The following SLC38A4 variants were observed in gnomAD, a reference collection of about 807,000 sequenced individuals.
The protein encoded by SLC38A4 is sodium-coupled neutral amino acid transporter 4.
In SLC38A4, 20 loss-of-function variants were observed where a neutral mutation model predicts 63.1. That is an observed-to-expected ratio of 0.32 (90% CI 0.22 to 0.46). The LOEUF (loss-of-function observed/expected upper bound fraction) is 0.46, where lower values mean the gene tolerates loss of function less well. Among genes scored for constraint, SLC38A4 ranks in the 20% least tolerant of loss-of-function variants. The pLI, the probability that SLC38A4 is intolerant of heterozygous loss-of-function variation, is 1.00. For missense variants in SLC38A4, 526 were observed against 663.6 expected, an observed-to-expected ratio of 0.79 and a Z score of 2.28; for synonymous variants, 230 against 225.5, an observed-to-expected ratio of 1.02 and a Z score of -0.18.
chr12:46,816,552 AT>A (rs1939445523), intron 1 of SLC38A4, among the ~76,000 whole-genome samples: 1 of 151,928 alleles, frequency 6.6e-6, no homozygotes, highest in Non-Finnish European at 1.5e-5. Flanking sequence ...TTCTATAGAA[AT>A]AAAAATACGG....
chr12:46,827,540 T>C (rs1194082006), upstream of SLC38A4, among the ~76,000 whole-genome samples: 1 of 152,208 alleles, frequency 6.6e-6, no homozygotes, highest in African/African-American at 2.4e-5. Flanking sequence ...TTTGTTACTG[T>C]CATTCAATTC....
intron 1 of SLC38A4, among the ~76,000 whole-genome samples, chr12:46,822,785 GTA>G (rs1176077780): frequency 6.6e-6 from 1 of 152,178 alleles, no homozygotes; most frequent in Non-Finnish European, 1.5e-5. Context: ...TAGAATGTTT[GTA>G]TAGAGTTTGG....
chr12:46,826,128 G>A (rs1939648994), upstream of SLC38A4: 1 of 152,254 alleles, frequency 6.6e-6, no homozygotes, highest in African/African-American at 2.4e-5. Context: ...GTTGCCTGTT[G>A]GTAAATTGCG....
rs375417342 is a variant in SLC38A4 at position 46,787,972 on chromosome 12, G to A, written c.270C>T (p.Gly90=). ...CATAGGACAAGCCCAGGATCCCACT[G>A]CCCATGATGGCATTACTCAGGTTAA... ...SSFNLSNAIM[G]SGILGLSYAM... is the part of the protein sequence containing the mutation. The change falls in exon 5 of 17, where the codon GGC becomes GGT. Residue 90 remains glycine (G), a synonymous_variant. Coordinates refer to ENST00000266579, the MANE Select transcript of SLC38A4 (RefSeq NM_018018.5). 71 of 1,613,770 alleles carry A rather than the reference G, an allele frequency of 4.4e-5. No homozygotes were observed. The African/African-American group carries it at 8.8e-4, about 20-fold the overall frequency.
chr12:46,783,174 G>T (rs1374618965), intron 7 of SLC38A4, among the ~76,000 whole-genome samples: 1 of 150,804 alleles, frequency 6.6e-6, no homozygotes, highest in Non-Finnish European at 1.5e-5. Context: ...AATATAATTT[G>T]TTATGGTTTG....
rs910998311 is a variant in SLC38A4 at position 46,776,965 on chromosome 12, G to A, written c.1113C>T (p.Ser371=). Residue 371 remains serine, a synonymous_variant, in exon 13 of 17, where the codon TCC becomes TCT. Coordinates refer to ENST00000266579, the MANE Select transcript of SLC38A4 (RefSeq NM_018018.5). Reference sequence around the variant, plus strand: ...GGTACATGACAAGCATCCCCGTGATGGAAATATTTGACACCGTTTGCATTT... The same window carrying A: ...GGTACATGACAAGCATCCCCGTGATAGAAATATTTGACACCGTTTGCATTT... The part of the protein sequence containing the change: ...RRKMQTVSNI[S]ITGMLVMYLL... 2 of 1,611,820 alleles carry A rather than the reference G, an allele frequency of 1.2e-6. No homozygotes were observed. The highest frequency in any genetic ancestry group is 2.7e-5 in the African/African-American group (2 of 74,688).
chr12:46,795,930 G>T (rs939878758), intron 2 of SLC38A4, among the ~76,000 whole-genome samples: 3 of 151,326 alleles, frequency 2.0e-5, no homozygotes, highest in Non-Finnish European at 4.4e-5. Context: ...CAATCAAAAG[G>T]CTTGTCTTTC....
intron 1 of SLC38A4, among the ~76,000 whole-genome samples, chr12:46,815,876 T>G (rs150900611): frequency 1.8e-3 from 279 of 151,976 alleles, no homozygotes; most frequent in African/African-American, 6.4e-3. Context: ...CCTTAAAATA[T>G]CCAGCCACTT....
At chr12:46,828,785 T>G (rs1012525745), upstream of SLC38A4, among the ~76,000 whole-genome samples, 46 of 152,224 alleles carry the variant, frequency 3.0e-4, no homozygotes, top group Non-Finnish European at 5.1e-4. Flanking sequence ...CTCCCTAATA[T>G]AGTTCTTTGA....
intron 5 of SLC38A4, 59 bp from the exon 6 acceptor site, chr12:46,785,236 G>A: frequency 7.7e-7 from 1 of 1,293,210 alleles, no homozygotes; most frequent in Non-Finnish European, 1.1e-6. Context: ...ATGTAATTAT[G>A]TTAGATGTTA....
chr12:46,786,586 G>A (rs928896273), intron 5 of SLC38A4, among the ~76,000 whole-genome samples: 7 of 152,024 alleles, frequency 4.6e-5, no homozygotes, highest in Admixed American at 2.6e-4. Flanking sequence ...AGGAAAGGCA[G>A]CTTTTTTTGT....
At chr12:46,782,836 G>A (rs1264529125) in intron 7 of SLC38A4, among the ~76,000 whole-genome samples, 2 of 149,848 alleles carry the variant, frequency 1.3e-5, no homozygotes, top group African/African-American at 2.5e-5. Flanking sequence ...CACAGATAGT[G>A]ACAGAAACAG....
At chr12:46,780,136 T>A in intron 7 of SLC38A4, 106 bp from the exon 8 acceptor site, 3 of 856,540 alleles carry the variant, frequency 3.5e-6, no homozygotes, top group Admixed American at 4.1e-5. Flanking sequence ...ATCCCCCAAA[T>A]GGAAAAAAAA....
chr12:46,780,081 A>T (rs771509300), intron 7 of SLC38A4, 51 bp from the exon 8 acceptor site: 1 of 1,370,478 alleles, frequency 7.3e-7, no homozygotes, highest in Admixed American at 1.7e-5. Flanking sequence ...CTGAAGTCAC[A>T]TGCAAGCAAG....
At position 46,768,330 on chromosome 12, in the gene SLC38A4, T is replaced by G; in HGVS notation, c.1522A>C (p.Arg508=). 4 of 1,610,964 alleles carry G rather than the reference T, an allele frequency of 2.5e-6. No homozygotes were observed. Among genetic ancestry groups the G allele is most frequent in the Non-Finnish European group, 3.4e-6 (4 of 1,178,130 alleles). ...CTTACCCCGACCTTTTGGGGTGACCTAAAAGTTTCTTTCTTGACAAGTTTA... is the reference window on the plus strand; with the variant it reads ...CTTACCCCGACCTTTTGGGGTGACCGAAAAGTTTCTTTCTTGACAAGTTTA... ...YLKLVKKETF[R]SPQKVGALIF... The change falls in exon 16 of 17, where the codon AGG becomes CGG. Residue 508 remains arginine, a synonymous_variant. Transcript: ENST00000266579.
chr12:46,815,266 TATATATATATATATATATACACAC>T (rs1387887416), intron 1 of SLC38A4, among the ~76,000 whole-genome samples: 38 of 109,886 alleles, frequency 3.5e-4, no homozygotes, highest in African/African-American at 1.3e-3. Flanking sequence ...TATATATATA[TATATATATATATATATATACACAC>T]ACACACACAC....
rs529020379 is a variant in SLC38A4 at position 46,767,957 on chromosome 12, A to G, written c.1542+353T>C. ...CAACCATGACCAAAATATTTAAATT[A>G]TTCCATAACACCGCTAGGGAGCCTA... On this transcript the variant is annotated intron_variant, in intron 16 of 16. Transcript: ENST00000266579. Among the ~76,000 whole-genome samples, 48 of 152,216 alleles carry G rather than the reference A, an allele frequency of 3.2e-4. No individual in the cohort carries two copies. In the South Asian group the frequency reaches 9.6e-3, roughly 30 times the overall value.
chr12:46,785,609 A>T (rs894750473), intron 5 of SLC38A4, among the ~76,000 whole-genome samples: 3 of 152,116 alleles, frequency 2.0e-5, no homozygotes, highest in Non-Finnish European at 4.4e-5. Flanking sequence ...AGGCGAAAGC[A>T]TGCAGTCTGA....
chr12:46,781,794 G>T (rs1938647859), intron 7 of SLC38A4, among the ~76,000 whole-genome samples: 1 of 151,968 alleles, frequency 6.6e-6, no homozygotes, highest in Admixed American at 6.6e-5. Flanking sequence ...TAGTGGCTAT[G>T]CTTTGAACCA....
Sources: allele counts gnomAD v4.1 joint callset (sites outside exome capture counted in the v4.1 genomes callset), GRCh38; gene constraint gnomAD v4.1.1; transcripts MANE v1.5; gene names NCBI Gene and HGNC (gene_info 2026-07-23, HGNC 2026-07-21).